The following LRRC4C variants were observed in gnomAD, a reference collection of about 807,000 sequenced individuals.
LRRC4C encodes leucine rich repeat containing 4C, also known as leucine-rich repeat-containing protein 4C.
In LRRC4C, 5 loss-of-function variants were observed where a neutral mutation model predicts 33.6. The observed-to-expected ratio is 0.15, with a 90% confidence interval of 0.08 to 0.31. The LOEUF (loss-of-function observed/expected upper bound fraction) is 0.31, where lower values mean the gene tolerates loss of function less well. LRRC4C is among the 10% of genes least tolerant of loss of function. LRRC4C has a pLI of 1.00. For synonymous variants in LRRC4C, 329 were observed against 302.0 expected (o/e 1.09, Z -0.93); for missense variants, 560 against 796.7 (o/e 0.70, Z 3.58).
intron 5 of LRRC4C, among the ~76,000 whole-genome samples, chr11:40,230,476 G>C (rs1380530277): frequency 1.3e-5 from 2 of 152,170 alleles, no homozygotes; most frequent in Non-Finnish European, 2.9e-5. Context: ...TTAGCAGCAG[G>C]GTGTAGGCAG....
chr11:41,295,633 A>C (rs1464525589), intron 1 of LRRC4C, among the ~76,000 whole-genome samples: 1 of 151,832 alleles, frequency 6.6e-6, no homozygotes, highest in East Asian at 1.9e-4. Flanking sequence ...AGTTTAGTAC[A>C]TAACCTGACT....
At chr11:40,757,838 C>G (rs914222642) in intron 2 of LRRC4C, among the ~76,000 whole-genome samples, 1 of 152,110 alleles carries the variant, frequency 6.6e-6, no homozygotes, top group African/African-American at 2.4e-5. Flanking sequence ...ACACAGATAG[C>G]AATACTCTGG....
intron 3 of LRRC4C, among the ~76,000 whole-genome samples, chr11:40,497,690 T>C (rs1333430969): frequency 1.3e-5 from 2 of 152,170 alleles, no homozygotes; most frequent in African/African-American, 2.4e-5. Context: ...GCAGATAACC[T>C]TGGACTCTAT....
At chr11:40,434,802 A>C (rs1278735845) in intron 3 of LRRC4C, among the ~76,000 whole-genome samples, 2 of 152,206 alleles carry the variant, frequency 1.3e-5, no homozygotes, top group East Asian at 3.9e-4. Context: ...ATTTAAATGT[A>C]CCATTTTGAG....
intron 3 of LRRC4C, among the ~76,000 whole-genome samples, chr11:40,385,891 T>TAAATAAATAAATAAATAAATAAATAAAA (rs761529340): frequency 7.2e-6 from 1 of 138,886 alleles, no homozygotes; most frequent in Non-Finnish European, 1.6e-5. Flanking sequence ...AATAAATAAA[T>TAAATAAATAAATAAATAAATAAATAAAA]AAAATAAAAT....
intron 1 of LRRC4C, among the ~76,000 whole-genome samples, chr11:41,205,541 AG>A: frequency 1.3e-5 from 2 of 152,350 alleles, no homozygotes; most frequent in Non-Finnish European, 2.9e-5. Flanking sequence ...TCTAAATCAC[AG>A]AGTCAATACC....
At chr11:40,480,060 G>A (rs1464348389) in intron 3 of LRRC4C, among the ~76,000 whole-genome samples, 2 of 152,088 alleles carry the variant, frequency 1.3e-5, no homozygotes, top group African/African-American at 2.4e-5. Flanking sequence ...CTGAAAGCAG[G>A]ACAAGCACTA....
intron 1 of LRRC4C, among the ~76,000 whole-genome samples, chr11:41,303,202 A>C (rs1950337618): frequency 1.4e-5 from 2 of 147,530 alleles, no homozygotes; most frequent in African/African-American, 5.0e-5. Context: ...TCCCTGCCTG[A>C]TTCTCCTGCC....
chr11:41,148,084 T>C (rs1590752360), intron 1 of LRRC4C, among the ~76,000 whole-genome samples: 1 of 151,456 alleles, frequency 6.6e-6, no homozygotes, highest in Non-Finnish European at 1.5e-5. Flanking sequence ...AGTGACGCCA[T>C]CTCGGCTCAC....
chr11:41,010,861 T>C (rs1479726675), intron 1 of LRRC4C, among the ~76,000 whole-genome samples: 1 of 152,144 alleles, frequency 6.6e-6, no homozygotes, highest in Non-Finnish European at 1.5e-5. Context: ...CTCTTGGAAA[T>C]GAAACATAAA....
chr11:40,662,987 T>G (rs1943525174), intron 2 of LRRC4C, among the ~76,000 whole-genome samples: 1 of 152,226 alleles, frequency 6.6e-6, no homozygotes, highest in South Asian at 2.1e-4. Flanking sequence ...ATTTCATAAG[T>G]TAAATTATAT....
rs201222425 is a variant in LRRC4C, at chr11:40,984,358, AAG to A, written c.-495-50637_-495-50636del. On this transcript the variant is annotated intron_variant, in intron 1 of 6. Transcript: ENST00000528697. ...AGAAAGAAAGTAGGAAAGAGAAAGA[AAG>A]AAAAAAGAAAGAAAGAAAGAAAGAA... Among the ~76,000 whole-genome samples the A allele has an allele frequency of 2.6e-3, 259 of 100,802 alleles. 1 individual carries two copies. Among genetic ancestry groups the A allele is most frequent in the South Asian group, 3.7e-3 (12 of 3,228 alleles). 66.1% of individuals were successfully genotyped at this position (100,802 alleles called of 152,430 possible). A position where few individuals can be genotyped will look rare whatever the true frequency, so the allele number is the denominator to read the frequency against.
intron 1 of LRRC4C, among the ~76,000 whole-genome samples, chr11:41,294,325 C>T (rs1307350480): frequency 2.6e-5 from 4 of 152,148 alleles, no homozygotes; most frequent in African/African-American, 7.2e-5. Context: ...AAAAGGACTT[C>T]GCACAGAGTA....
intron 1 of LRRC4C, among the ~76,000 whole-genome samples, chr11:41,415,898 C>CA (rs1351026278): frequency 6.6e-6 from 1 of 151,992 alleles, no homozygotes; most frequent in East Asian, 1.9e-4. Context: ...CACTGTAAAT[C>CA]AGAGGTAAGG....
intron 3 of LRRC4C, among the ~76,000 whole-genome samples, chr11:40,463,205 T>C (rs189909802): frequency 4.3e-4 from 66 of 152,112 alleles, no homozygotes; most frequent in African/African-American, 1.1e-3. Flanking sequence ...ATTAGAAGTA[T>C]AGAAGTATTA....
chr11:41,192,422 C>CAT (rs1449146142), intron 1 of LRRC4C, among the ~76,000 whole-genome samples: 1 of 145,410 alleles, frequency 6.9e-6, no homozygotes, highest in Non-Finnish European at 1.5e-5. Context: ...CACACACACA[C>CAT]ACATATATAT....
chr11:40,469,302 A>T (rs1952807308), intron 3 of LRRC4C, among the ~76,000 whole-genome samples: 1 of 152,170 alleles, frequency 6.6e-6, no homozygotes, highest in African/African-American at 2.4e-5. Flanking sequence ...TCCCCTAGCC[A>T]AGGGAAGCCA....
intron 1 of LRRC4C, among the ~76,000 whole-genome samples, chr11:41,126,320 C>A (rs1942739349): frequency 6.6e-6 from 1 of 151,664 alleles, no homozygotes; most frequent in Non-Finnish European, 1.5e-5. Context: ...TCTTGTAAGA[C>A]CTAAGTAAGA....
At chr11:40,142,309 G>A (rs1188859307) in intron 5 of LRRC4C, among the ~76,000 whole-genome samples, 10 of 134,594 alleles carry the variant, frequency 7.4e-5, no homozygotes, top group South Asian at 7.4e-4. Flanking sequence ...AAAAAACCTC[G>A]ATTTTATAAA....
Sources: gnomAD v4.1 joint callset for allele counts (sites outside exome capture counted in the v4.1 genomes callset) on GRCh38, gnomAD v4.1.1 for gene constraint, MANE v1.5 for transcripts, NCBI Gene and HGNC (gene_info 2026-07-23, HGNC 2026-07-21) for gene names.